Variants in LCP1 observed in about 807,000 individuals in gnomAD.
LCP1 encodes the protein plastin-2.
Under a neutral mutation model 72.0 loss-of-function variants are expected in LCP1, and 23 were observed. The ratio of observed to expected loss-of-function variants is 0.32; its 90% CI spans 0.23 to 0.45. The LOEUF is 0.45. Ranked by LOEUF, LCP1 falls within the 20% of genes least tolerant of loss-of-function variation. The pLI is 1.00. For synonymous variants in LCP1, 245 were observed against 275.4 expected, an observed-to-expected ratio of 0.89 and a Z score of 1.09; for missense variants, 571 against 748.3, an observed-to-expected ratio of 0.76 and a Z score of 2.76.
At chr13:46,151,848 T>C (rs1275554002) in intron 7 of LCP1, among the ~76,000 whole-genome samples, 1 of 152,248 alleles carries the variant, frequency 6.6e-6, no homozygotes, top group South Asian at 2.1e-4. Context: ...AACTAAAAGA[T>C]AACATCGTGT....
chr13:46,163,572 C>A (rs1261596807), intron 1 of LCP1, among the ~76,000 whole-genome samples: 1 of 151,254 alleles, frequency 6.6e-6, no homozygotes, highest in Non-Finnish European at 1.5e-5. Context: ...ACCTTCCCTC[C>A]ACTATTGTCC....
At chr13:46,132,449 C>T (rs1434354021) in intron 14 of LCP1, among the ~76,000 whole-genome samples, 4 of 152,178 alleles carry the variant, frequency 2.6e-5, no homozygotes, top group Admixed American at 2.0e-4. Flanking sequence ...ACTAGCCATA[C>T]TCTTAGGAAG....
At chr13:46,142,255 G>A (rs776431910) in intron 13 of LCP1, 37 bp downstream of exon 13, 29 of 1,593,460 alleles carry the variant, frequency 1.8e-5, no homozygotes, top group Non-Finnish European at 2.4e-5. Context: ...AGTAAATAAT[G>A]TATTCAAGAA....
At chr13:46,174,420 A>G (rs1042400612) in intron 1 of LCP1, among the ~76,000 whole-genome samples, 2 of 152,320 alleles carry the variant, frequency 1.3e-5, no homozygotes, top group East Asian at 1.9e-4. Flanking sequence ...CTAATCTAAT[A>G]TCTTCACAGC....
chr13:46,148,182 A>G (rs2045741916), intron 9 of LCP1, among the ~76,000 whole-genome samples, 170 bp downstream of exon 9: 2 of 152,232 alleles, frequency 1.3e-5, no homozygotes, highest in Non-Finnish European at 2.9e-5. Flanking sequence ...TTCCAGATTC[A>G]GTTTTCATCA....
At chr13:46,132,192 C>T (rs1021272094) in intron 14 of LCP1, among the ~76,000 whole-genome samples, 1 of 152,100 alleles carries the variant, frequency 6.6e-6, no homozygotes, top group Non-Finnish European at 1.5e-5. Flanking sequence ...AAAGAATTGC[C>T]AAACCTTTCT....
intron 13 of LCP1, among the ~76,000 whole-genome samples, chr13:46,138,282 T>C (rs968037550): frequency 6.6e-6 from 1 of 152,204 alleles, no homozygotes; most frequent in Non-Finnish European, 1.5e-5. Flanking sequence ...ATCAGCACAA[T>C]TCAATGAAAT....
chr13:46,129,890 G>T (rs1474917983), intron 15 of LCP1, among the ~76,000 whole-genome samples: 1 of 152,202 alleles, frequency 6.6e-6, no homozygotes. Flanking sequence ...CCTTAATCCA[G>T]TAGGACTGGT....
Position 46,127,305 on chromosome 13 carries a change from G to T in LCP1, c.*286C>A. Reference sequence around the variant, plus strand: ...CTTCTATCCTTGGCTAATGGCAAAAGCGAGAAGGGTACCTGGAAAATAACT... The same window carrying T: ...CTTCTATCCTTGGCTAATGGCAAAATCGAGAAGGGTACCTGGAAAATAACT... On this transcript the variant is annotated 3_prime_UTR_variant, in exon 16 of 16. Coordinates refer to ENST00000323076, the MANE Select transcript of LCP1 (RefSeq NM_002298.5). The T allele has an allele frequency of 6.0e-6, 2 of 332,626 alleles. No homozygotes were observed. The highest frequency in any genetic ancestry group is 5.5e-6 in the Non-Finnish European group (1 of 181,666). The allele number at this position is 332,626 out of a possible 1,614,324, so 20.6% of individuals were successfully genotyped here. A position where few individuals can be genotyped will look rare whatever the true frequency, so the allele number is the denominator to read the frequency against.
At chr13:46,174,863 G>C (rs1288836789) in intron 1 of LCP1, among the ~76,000 whole-genome samples, 1 of 146,114 alleles carries the variant, frequency 6.8e-6, no homozygotes, top group African/African-American at 2.5e-5. Context: ...AAAAAAGAAA[G>C]AAAATGTGGA....
At chr13:46,151,909 G>C (rs1471032433) in intron 7 of LCP1, among the ~76,000 whole-genome samples, 2 of 152,240 alleles carry the variant, frequency 1.3e-5, no homozygotes, top group Non-Finnish European at 2.9e-5. Flanking sequence ...CCAGGGGGCT[G>C]TCACTGTTTA....
chr13:46,141,970 T>C (rs531498159), intron 13 of LCP1, among the ~76,000 whole-genome samples: 1 of 152,242 alleles, frequency 6.6e-6, no homozygotes, highest in South Asian at 2.1e-4. Context: ...TATCTATTAA[T>C]GTCAGAAAAA....
At position 46,156,598 on chromosome 13, in the gene LCP1, T is replaced by C. The variant is rs541909575; in HGVS notation, c.359-28A>G. Reference sequence around the variant, plus strand: ...GCAAGTAAATGATTAAAGTGACTCATTTGCAAAGTGAAACTCTATTATAAA... The same window carrying C: ...GCAAGTAAATGATTAAAGTGACTCACTTGCAAAGTGAAACTCTATTATAAA... On this transcript the variant is annotated intron_variant, in intron 4 of 15. Coordinates refer to ENST00000323076, the MANE Select transcript of LCP1 (RefSeq NM_002298.5). 49 of 1,613,818 alleles carry C rather than the reference T, an allele frequency of 3.0e-5. No individual in the cohort carries two copies. The South Asian group carries it at 4.9e-4, about 16-fold the overall frequency.
chr13:46,174,634 A>G (rs2045919539), intron 1 of LCP1, among the ~76,000 whole-genome samples: 2 of 152,170 alleles, frequency 1.3e-5, no homozygotes, highest in Admixed American at 1.3e-4. Context: ...GCCTGAGGTC[A>G]GGAGTTCAAG....
intron 1 of LCP1, among the ~76,000 whole-genome samples, chr13:46,162,595 C>T (rs1336387101): frequency 2.6e-5 from 4 of 152,140 alleles, no homozygotes; most frequent in Non-Finnish European, 5.9e-5. Flanking sequence ...GTCTCGTTCA[C>T]TCAGTGCTCA....
intron 1 of LCP1, among the ~76,000 whole-genome samples, chr13:46,160,969 C>T (rs2045834638): frequency 1.3e-5 from 2 of 152,036 alleles, no homozygotes; most frequent in Admixed American, 1.3e-4. Context: ...TTGATGGCCA[C>T]CAACAACCAC....
At chr13:46,162,288 C>T (rs1382023341) in intron 1 of LCP1, among the ~76,000 whole-genome samples, 1 of 131,318 alleles carries the variant, frequency 7.6e-6, no homozygotes, top group Admixed American at 7.8e-5. Flanking sequence ...CCTCCCTCTC[C>T]CGTCTCCCTC....
At chr13:46,158,424 G>C (rs544029660) in intron 4 of LCP1, 98 bp downstream of exon 4, 33 of 1,381,294 alleles carry the variant, frequency 2.4e-5, no homozygotes, top group Non-Finnish European at 3.1e-5. Flanking sequence ...CCATAAAGCT[G>C]TGTTTGCTTC....
At chr13:46,154,754 C>T in intron 6 of LCP1, 51 bp downstream of exon 6, 1 of 1,470,150 alleles carries the variant, frequency 6.8e-7, no homozygotes, top group South Asian at 1.1e-5. Context: ...AGTTATGATG[C>T]TCATTGATGC....
Sources: gnomAD v4.1 joint callset for allele counts (sites outside exome capture counted in the v4.1 genomes callset) on GRCh38, gnomAD v4.1.1 for gene constraint, MANE v1.5 for transcripts, NCBI Gene and HGNC (gene_info 2026-07-23, HGNC 2026-07-21) for gene names.